The following SIDT1 variants were observed in gnomAD, a reference collection of about 807,000 sequenced individuals.
The protein encoded by SIDT1 is SID1 transmembrane family member 1.
A neutral mutation model predicts 107.5 loss-of-function variants in SIDT1; 101 were observed. That is an observed-to-expected ratio of 0.94 (90% confidence interval 0.80 to 1.11). The LOEUF (loss-of-function observed/expected upper bound fraction) is 1.11, where lower values mean the gene tolerates loss of function less well. Ranked by LOEUF, SIDT1 falls within the 50% of genes least tolerant of loss-of-function variation. The pLI is 0.00. For synonymous variants in SIDT1, 395 were observed against 398.2 expected, an observed-to-expected ratio of 0.99 and a Z score of 0.10; for missense variants, 1,076 against 1,058.2, an observed-to-expected ratio of 1.02 and a Z score of -0.23.
At chr3:113,601,689 T>C (rs762190270) in intron 11 of SIDT1, 30 bp downstream of exon 11, 2 of 1,521,230 alleles carry the variant, frequency 1.3e-6, no homozygotes, top group South Asian at 1.1e-5. Flanking sequence ...TTCATGAAAG[T>C]GTTTCCTAAT....
At chr3:113,611,687 C>T (rs1228862062) in intron 18 of SIDT1, among the ~76,000 whole-genome samples, 2 of 152,158 alleles carry the variant, frequency 1.3e-5, no homozygotes. Context: ...TAATATAAAG[C>T]TAGACCCGAC....
chr3:113,579,691 G>C (rs374633158), intron 4 of SIDT1, among the ~76,000 whole-genome samples: 1 of 152,126 alleles, frequency 6.6e-6, no homozygotes. Flanking sequence ...GAAATACAAA[G>C]TTAAGTTTTA....
At chr3:113,582,881 C>A (rs113416337) in intron 6 of SIDT1, among the ~76,000 whole-genome samples, 1 of 151,974 alleles carries the variant, frequency 6.6e-6, no homozygotes, top group African/African-American at 2.4e-5. Context: ...AGAACTCTAA[C>A]GGACCTTAAA....
chr3:113,541,745 A>T (rs1201126814), intron 1 of SIDT1, among the ~76,000 whole-genome samples: 2 of 151,950 alleles, frequency 1.3e-5, no homozygotes, highest in Admixed American at 1.3e-4. Flanking sequence ...TCCTTGTCTC[A>T]CATTTTTTTT....
chr3:113,548,011 G>A (rs1416056803), intron 1 of SIDT1, among the ~76,000 whole-genome samples: 9 of 152,082 alleles, frequency 5.9e-5, no homozygotes, highest in Admixed American at 5.2e-4. Flanking sequence ...CTGAGTAAAA[G>A]CATTCCCTGG....
intron 20 of SIDT1, 34 bp downstream of exon 20, chr3:113,616,210 C>T (rs1191190598): frequency 1.3e-6 from 2 of 1,515,354 alleles, no homozygotes; most frequent in Non-Finnish European, 1.8e-6. Context: ...TTGGCCCTGT[C>T]CCAGAAAGCA....
At chr3:113,548,286 C>T (rs1264467113) in intron 1 of SIDT1, among the ~76,000 whole-genome samples, 2 of 152,050 alleles carry the variant, frequency 1.3e-5, no homozygotes, top group Non-Finnish European at 2.9e-5. Context: ...TTGCACAGTT[C>T]TGTGGATTTT....
At chr3:113,626,924 G>T (rs1946894775) in intron 24 of SIDT1, among the ~76,000 whole-genome samples, 1 of 152,168 alleles carries the variant, frequency 6.6e-6, no homozygotes, top group African/African-American at 2.4e-5. Context: ...GCGGGCTCAG[G>T]CAGGCCATAT....
intron 1 of SIDT1, among the ~76,000 whole-genome samples, chr3:113,554,411 G>A (rs1940611878): frequency 6.6e-6 from 1 of 152,144 alleles, no homozygotes; most frequent in Non-Finnish European, 1.5e-5. Context: ...GTCATGGGAG[G>A]GGACCGATGG....
intron 1 of SIDT1, among the ~76,000 whole-genome samples, chr3:113,558,759 T>C (rs1248858927): frequency 1.3e-5 from 2 of 152,176 alleles, no homozygotes; most frequent in Admixed American, 1.3e-4. Flanking sequence ...ACTTGTGTCT[T>C]CTCCCAGTAT....
At chr3:113,632,044 G>GTATTGTTCATTTAGTC (rs1947098686), downstream of SIDT1, among the ~76,000 whole-genome samples, 1 of 152,042 alleles carries the variant, frequency 6.6e-6, no homozygotes, top group South Asian at 2.1e-4. Flanking sequence ...TTTCACTGGA[G>GTATTGTTCATTTAGTC]ATGAACAATA....
chr3:113,599,193 G>A (rs1029635532), intron 10 of SIDT1, among the ~76,000 whole-genome samples: 21 of 152,106 alleles, frequency 1.4e-4, no homozygotes, highest in African/African-American at 4.6e-4. Context: ...GATACTGAGG[G>A]GAATGTAAAA....
chr3:113,604,797 T>C (rs1945203372), intron 13 of SIDT1, 113 bp from the exon 14 acceptor site: 7 of 1,251,378 alleles, frequency 5.6e-6, no homozygotes, highest in Admixed American at 1.8e-5. Flanking sequence ...TTCTGGTTAC[T>C]TTTGCAAGTT....
At chr3:113,543,666 CT>C (rs1305889179) in intron 1 of SIDT1, among the ~76,000 whole-genome samples, 3 of 152,170 alleles carry the variant, frequency 2.0e-5, no homozygotes, top group Admixed American at 1.3e-4. Flanking sequence ...ATCTATGCTG[CT>C]ATTGACACTA....
chr3:113,598,957 T>C (rs1416346772), intron 10 of SIDT1, among the ~76,000 whole-genome samples: 1 of 152,084 alleles, frequency 6.6e-6, no homozygotes, highest in East Asian at 1.9e-4. Context: ...GGAGATTCTG[T>C]CTCTACAAAT....
intron 1 of SIDT1, among the ~76,000 whole-genome samples, chr3:113,547,262 A>G (rs1159988860): frequency 6.6e-6 from 1 of 152,190 alleles, no homozygotes; most frequent in Admixed American, 6.5e-5. Context: ...AAAAATAATA[A>G]TAAAAGCAAA....
chr3:113,577,242 C>A (rs777679464), intron 4 of SIDT1, among the ~76,000 whole-genome samples: 4 of 152,160 alleles, frequency 2.6e-5, no homozygotes, highest in Non-Finnish European at 4.4e-5. Context: ...CGTGTGCCCA[C>A]TATGCACCAA....
Position 113,532,845 on chromosome 3 carries a change from T to C in SIDT1, c.-177T>C. The C allele has an allele frequency of 2.3e-6, 1 of 429,004 alleles. No homozygotes were observed. Among genetic ancestry groups the C allele is most frequent in the Non-Finnish European group, 4.0e-6 (1 of 248,312 alleles). The allele number at this position is 429,004 out of a possible 1,614,324, so 26.6% of individuals were successfully genotyped here. On this transcript the variant is annotated 5_prime_UTR_variant, in exon 1 of 25. Transcript: ENST00000264852. ...TGGAGACCCCAGGCGGCAGCATCAG[T>C]ATTTGATCGGCCCTTCGTCAGCACG...
At chr3:113,550,621 T>G (rs940501756) in intron 1 of SIDT1, among the ~76,000 whole-genome samples, 1 of 152,144 alleles carries the variant, frequency 6.6e-6, no homozygotes, top group African/African-American at 2.4e-5. Flanking sequence ...TTTTTCTGGG[T>G]TTTTTTGTCC....
Sources: allele counts gnomAD v4.1 joint callset (sites outside exome capture counted in the v4.1 genomes callset), GRCh38; gene constraint gnomAD v4.1.1; transcripts MANE v1.5; gene names NCBI Gene and HGNC (gene_info 2026-07-23, HGNC 2026-07-21).